Variants in ERC2 observed in about 807,000 individuals in gnomAD.
ERC2 encodes ERC protein 2.
Under a neutral mutation model 114.8 loss-of-function variants are expected in ERC2, and 42 were observed. The observed-to-expected ratio is 0.37, with a 90% CI of 0.29 to 0.47. The LOEUF (loss-of-function observed/expected upper bound fraction) is 0.47. Among genes scored for constraint, ERC2 ranks in the 20% least tolerant of loss-of-function variants. The pLI is 0.99. For synonymous variants in ERC2, 454 were observed against 425.5 expected (o/e 1.07, Z -0.82); for missense variants, 939 against 1,150.7 (o/e 0.82, Z 2.66).
intron 15 of ERC2, among the ~76,000 whole-genome samples, chr3:55,727,552 C>T (rs554056334): frequency 6.6e-6 from 1 of 152,134 alleles, no homozygotes; most frequent in Admixed American, 6.5e-5. Flanking sequence ...ATGTCAACAC[C>T]TGAAGAGCAT....
intron 14 of ERC2, among the ~76,000 whole-genome samples, chr3:55,738,274 A>T (rs1008984233): frequency 4.6e-5 from 7 of 152,202 alleles, no homozygotes; most frequent in Non-Finnish European, 7.3e-5. Context: ...ACTCATAGGA[A>T]AAAACAAGGA....
chr3:56,440,622 T>G (rs543699334), intron 1 of ERC2, among the ~76,000 whole-genome samples: 1 of 151,986 alleles, frequency 6.6e-6, no homozygotes, highest in African/African-American at 2.4e-5. Context: ...CTCAGGAGGC[T>G]GAGGCAGGAG....
In ERC2 at chr3:55,905,547, G is replaced by A. The variant is rs58623320; in HGVS notation, c.2404-16998C>T. 1.7e-3 allele frequency among the ~76,000 whole-genome samples: 265 copies of A among 151,538 alleles called. 2 individuals are homozygous for A. The highest frequency in any genetic ancestry group is 0.015 in the East Asian group (78 of 5,106). On this transcript the variant is annotated intron_variant, in intron 13 of 17. Coordinates refer to ENST00000288221, the MANE Select transcript of ERC2 (RefSeq NM_015576.3). ...AGGGGAAGTCACCATTTGTATAGGT[G>A]GAGGAAGCCAAAACCCTACAACAGA...
intron 17 of ERC2, among the ~76,000 whole-genome samples, chr3:55,652,397 C>A (rs565245254): frequency 6.6e-6 from 1 of 152,216 alleles, no homozygotes; most frequent in African/African-American, 2.4e-5. Flanking sequence ...GAGTGAGCAC[C>A]TATAAAGGTG....
intron 14 of ERC2, among the ~76,000 whole-genome samples, chr3:55,760,818 A>G (rs1355194427): frequency 6.6e-6 from 1 of 152,254 alleles, no homozygotes; most frequent in Non-Finnish European, 1.5e-5. Flanking sequence ...ATATGGAGTC[A>G]GTTAACCAAG....
At chr3:55,722,434 C>T (rs1044377332) in intron 15 of ERC2, among the ~76,000 whole-genome samples, 2 of 152,134 alleles carry the variant, frequency 1.3e-5, no homozygotes, top group Non-Finnish European at 2.9e-5. Context: ...GGCTGGAAAA[C>T]TCTAGTGCTT....
At chr3:56,319,568 A>G (rs1455541607) in intron 2 of ERC2, among the ~76,000 whole-genome samples, 1 of 152,218 alleles carries the variant, frequency 6.6e-6, no homozygotes, top group African/African-American at 2.4e-5. Flanking sequence ...CTTTACACCT[A>G]TAGCTAACCA....
chr3:56,349,281 C>T (rs532655630), intron 2 of ERC2, among the ~76,000 whole-genome samples: 55 of 152,246 alleles, frequency 3.6e-4, no homozygotes, highest in African/African-American at 1.1e-3. Context: ...GCTCATCTCA[C>T]GAACACCTAA....
chr3:55,775,528 C>T (rs1300750745), intron 14 of ERC2, among the ~76,000 whole-genome samples: 8 of 137,286 alleles, frequency 5.8e-5, no homozygotes, highest in Admixed American at 3.1e-4. Context: ...CAGAATGAGA[C>T]CCTGTCTCAA....
At chr3:56,226,027 T>A (rs1397094383) in intron 3 of ERC2, among the ~76,000 whole-genome samples, 1 of 152,244 alleles carries the variant, frequency 6.6e-6, no homozygotes, top group African/African-American at 2.4e-5. Flanking sequence ...GCGACAGAGA[T>A]GCTTTCTACT....
At chr3:55,713,180 C>A (rs1368771661) in intron 15 of ERC2, among the ~76,000 whole-genome samples, 5 of 148,048 alleles carry the variant, frequency 3.4e-5, no homozygotes, top group African/African-American at 1.3e-4. Flanking sequence ...AATTTTAATT[C>A]TAAGTATATA....
chr3:56,067,470 G>C (rs954122653), intron 7 of ERC2, among the ~76,000 whole-genome samples: 4 of 152,248 alleles, frequency 2.6e-5, no homozygotes, highest in Middle Eastern at 3.4e-3. Flanking sequence ...GGGTTTTCTA[G>C]ATATAGGATC....
chr3:55,952,053 C>T (rs1437351451), intron 12 of ERC2, among the ~76,000 whole-genome samples: 1 of 150,184 alleles, frequency 6.7e-6, no homozygotes, highest in East Asian at 2.0e-4. Context: ...GTAGTCCCAG[C>T]TACTCGGAAG....
At chr3:56,325,847 G>T (rs534572226) in intron 2 of ERC2, among the ~76,000 whole-genome samples, 29 of 152,264 alleles carry the variant, frequency 1.9e-4, no homozygotes, top group African/African-American at 7.0e-4. Flanking sequence ...CTTGCTCAAG[G>T]TCACAGCAAA....
At chr3:56,262,261 G>C (rs1233254554) in intron 3 of ERC2, among the ~76,000 whole-genome samples, 1 of 152,156 alleles carries the variant, frequency 6.6e-6, no homozygotes, top group African/African-American at 2.4e-5. Context: ...AAGAGCAGGG[G>C]CCACATCATC....
chr3:56,103,277 G>A (rs1036998855), intron 6 of ERC2, among the ~76,000 whole-genome samples: 1 of 152,114 alleles, frequency 6.6e-6, no homozygotes, highest in African/African-American at 2.4e-5. Flanking sequence ...GGTGAAGTGG[G>A]GACAGTGGAG....
intron 5 of ERC2, 44 bp downstream of exon 5, chr3:56,148,933 C>T (rs1224726836): frequency 6.4e-7 from 1 of 1,568,814 alleles, no homozygotes; most frequent in African/African-American, 1.4e-5. Context: ...CTGTAACTTT[C>T]TAGTCACATT....
At chr3:56,069,259 T>C (rs4974117) in intron 7 of ERC2, among the ~76,000 whole-genome samples, 143,258 of 152,268 alleles carry the variant, frequency 0.94, 67,579 homozygotes, top group East Asian at 1. Flanking sequence ...AGCAGCATTC[T>C]TTGTCAGTAT....
chr3:55,871,439 G>C (rs190377799), intron 14 of ERC2, among the ~76,000 whole-genome samples: 2 of 152,228 alleles, frequency 1.3e-5, no homozygotes, highest in East Asian at 3.9e-4. Context: ...TACAAAGAAG[G>C]CTTAATCTCA....
Sources: gnomAD v4.1 joint callset for allele counts (sites outside exome capture counted in the v4.1 genomes callset) on GRCh38, gnomAD v4.1.1 for gene constraint, MANE v1.5 for transcripts, NCBI Gene and HGNC (gene_info 2026-07-23, HGNC 2026-07-21) for gene names.